Variants in KCNAB1 observed in about 807,000 individuals in gnomAD.
KCNAB1 encodes the protein voltage-gated potassium channel subunit beta-1.
A neutral mutation model predicts 64.6 loss-of-function variants in KCNAB1; 35 were observed. The ratio of observed to expected loss-of-function variants is 0.54; its 90% confidence interval spans 0.41 to 0.72. KCNAB1 has a LOEUF of 0.72. Ranked by LOEUF, KCNAB1 falls within the 30% of genes least tolerant of loss-of-function variation. The probability of loss-of-function intolerance (pLI) is 0.00; values close to 1 mark genes in which losing one functional copy is unlikely to be tolerated. For synonymous variants in KCNAB1, 177 were observed against 183.8 expected (o/e 0.96, Z 0.30); for missense variants, 401 against 512.9 (o/e 0.78, Z 2.11).
chr3:156,467,930 C>T (rs9841854), intron 7 of KCNAB1, among the ~76,000 whole-genome samples: 24,597 of 151,994 alleles, frequency 0.16, 3,914 homozygotes, highest in African/African-American at 0.42. Flanking sequence ...CTTCTTTTAA[C>T]AATTTTGTTC....
At chr3:156,428,026 G>A (rs1715938292) in intron 2 of KCNAB1, among the ~76,000 whole-genome samples, 1 of 152,150 alleles carries the variant, frequency 6.6e-6, no homozygotes, top group Admixed American at 6.5e-5. Context: ...TTCCCAGCAG[G>A]CAAGATGTCT....
chr3:156,498,611 G>A (rs534533716), intron 8 of KCNAB1, among the ~76,000 whole-genome samples: 10 of 152,306 alleles, frequency 6.6e-5, no homozygotes, highest in Admixed American at 5.2e-4. Context: ...TCTCAGTTAT[G>A]TCTTTATCAG....
chr3:156,211,963 G>C (rs1715034634), intron 1 of KCNAB1, among the ~76,000 whole-genome samples: 1 of 152,198 alleles, frequency 6.6e-6, no homozygotes, highest in South Asian at 2.1e-4. Context: ...AGGGCCAGAA[G>C]GGGTGATGCT....
At chr3:156,165,898 TCTCTGC>T (rs1334326198) in intron 1 of KCNAB1, among the ~76,000 whole-genome samples, 1 of 152,212 alleles carries the variant, frequency 6.6e-6, no homozygotes, top group Admixed American at 6.5e-5. Context: ...CACAAGGGCA[TCTCTGC>T]CTTCTTGTTG....
At chr3:156,376,612 G>T (rs1320168462) in intron 1 of KCNAB1, among the ~76,000 whole-genome samples, 1 of 151,778 alleles carries the variant, frequency 6.6e-6, no homozygotes. Context: ...CTAGATAGTT[G>T]TTGTTTGAGG....
At chr3:156,299,467 G>T (rs1210139952) in intron 1 of KCNAB1, among the ~76,000 whole-genome samples, 1 of 151,706 alleles carries the variant, frequency 6.6e-6, no homozygotes, top group African/African-American at 2.4e-5. Context: ...AGTGTCTAAA[G>T]CACAGGCTTC....
At chr3:156,293,638 C>T (rs1251177969) in intron 1 of KCNAB1, among the ~76,000 whole-genome samples, 2 of 152,336 alleles carry the variant, frequency 1.3e-5, no homozygotes, top group East Asian at 3.9e-4. Context: ...ACCCCAGCTG[C>T]AGTACAAATG....
intron 1 of KCNAB1, among the ~76,000 whole-genome samples, chr3:156,370,011 A>C (rs1386152313): frequency 6.6e-6 from 1 of 152,248 alleles, no homozygotes; most frequent in Non-Finnish European, 1.5e-5. Flanking sequence ...AATTTCATGC[A>C]CAATAAAATG....
At chr3:156,144,335 G>A (rs867179161) in intron 1 of KCNAB1, among the ~76,000 whole-genome samples, 5 of 152,164 alleles carry the variant, frequency 3.3e-5, no homozygotes, top group Non-Finnish European at 2.9e-5. Context: ...AAAATCTGAA[G>A]GTCTATTTCA....
chr3:156,333,294 A>G (rs1489751749), intron 1 of KCNAB1, among the ~76,000 whole-genome samples: 1 of 151,536 alleles, frequency 6.6e-6, no homozygotes, highest in African/African-American at 2.4e-5. Flanking sequence ...GTCCACGCAC[A>G]TACCAGTATA....
chr3:156,246,659 T>G (rs1037780130), intron 1 of KCNAB1, among the ~76,000 whole-genome samples: 2 of 151,446 alleles, frequency 1.3e-5, no homozygotes, highest in Non-Finnish European at 2.9e-5. Flanking sequence ...AACCCAACAT[T>G]TTATGTTAGT....
chr3:156,454,553 A>G (rs573761268), intron 3 of KCNAB1, among the ~76,000 whole-genome samples: 24 of 152,280 alleles, frequency 1.6e-4, no homozygotes, highest in African/African-American at 5.8e-4. Context: ...TCGGTTCCAA[A>G]GGAGAACCTG....
intron 12 of KCNAB1, among the ~76,000 whole-genome samples, chr3:156,529,894 C>G (rs1576982501): frequency 6.6e-6 from 1 of 152,254 alleles, no homozygotes; most frequent in East Asian, 1.9e-4. Context: ...GAAGGCCCAG[C>G]AGACACTGCA....
rs1462751620 is a variant in KCNAB1, at chr3:156,516,383, A to G, written c.960+19A>G. 2 of 1,564,800 alleles carry G rather than the reference A, an allele frequency of 1.3e-6. No homozygotes were observed. Among genetic ancestry groups the G allele is most frequent in the East Asian group, 2.2e-5 (1 of 44,642 alleles). ...ACTGAAGGTATTTTTCTCAATGTCT[A>G]GAAAAAAGCCTGGGAGTAGGAAGGA... On this transcript the variant is annotated intron_variant, in intron 11 of 13. Transcript: ENST00000490337.
chr3:156,421,844 C>T (rs1458900974), intron 2 of KCNAB1, among the ~76,000 whole-genome samples, 185 bp downstream of exon 2: 4 of 152,142 alleles, frequency 2.6e-5, no homozygotes, highest in East Asian at 1.9e-4. Flanking sequence ...AGGGAGCCAC[C>T]GTGTTCATGA....
chr3:156,123,926 G>A (rs1213427126), intron 1 of KCNAB1, among the ~76,000 whole-genome samples: 1 of 152,158 alleles, frequency 6.6e-6, no homozygotes. Context: ...GGCTACTGTT[G>A]TTAATATTTT....
At chr3:156,273,597 A>C (rs1273532836) in intron 1 of KCNAB1, 5 of 456,448 alleles carry the variant, frequency 1.1e-5, no homozygotes, top group Non-Finnish European at 2.2e-5. Flanking sequence ...GTGGGGTGGG[A>C]GAAGGGTGGC....
chr3:156,519,805 G>C (rs1227108126), intron 11 of KCNAB1, among the ~76,000 whole-genome samples: 1 of 152,138 alleles, frequency 6.6e-6, no homozygotes, highest in Non-Finnish European at 1.5e-5. Flanking sequence ...ATTTCTAAAG[G>C]CATGTAACCT....
intron 1 of KCNAB1, among the ~76,000 whole-genome samples, chr3:156,215,144 G>T (rs1715236695): frequency 6.6e-6 from 1 of 152,174 alleles, no homozygotes; most frequent in African/African-American, 2.4e-5. Context: ...ATTCTGAGAA[G>T]TAGGGACTAT....
Sources: allele counts gnomAD v4.1 joint callset (sites outside exome capture counted in the v4.1 genomes callset), GRCh38; gene constraint gnomAD v4.1.1; transcripts MANE v1.5; gene names NCBI Gene and HGNC (gene_info 2026-07-23, HGNC 2026-07-21).